RNF38: variants seen among roughly 807,000 people sequenced by gnomAD.
The protein encoded by RNF38 is ring finger protein 38, also known as E3 ubiquitin-protein ligase RNF38.
RNF38 carries 15 observed loss-of-function variants against 67.2 expected under a neutral mutation model. That is an observed-to-expected ratio of 0.22 (90% confidence interval 0.15 to 0.34). RNF38 has a LOEUF of 0.34. RNF38 is among the 10% of genes least tolerant of loss of function. RNF38 has a pLI of 1.00. For missense variants in RNF38, 524 were observed against 639.9 expected (o/e 0.82, Z 1.95); for synonymous variants, 220 against 218.8 (o/e 1.01, Z -0.05).
intron 1 of RNF38, among the ~76,000 whole-genome samples, chr9:36,393,296 A>C (rs1837249348): frequency 6.6e-6 from 1 of 152,312 alleles, no homozygotes; most frequent in East Asian, 1.9e-4. Context: ...ATTTTCAAGC[A>C]TATCCTCTCC....
chr9:36,412,102 A>G (rs917888619), intron 2 of RNF38, among the ~76,000 whole-genome samples: 5 of 152,128 alleles, frequency 3.3e-5, no homozygotes, highest in African/African-American at 1.2e-4. Flanking sequence ...AAACCCTCCA[A>G]TGGCTTCTCG....
chr9:36,381,443 A>G (rs1836205247), intron 2 of RNF38, among the ~76,000 whole-genome samples: 1 of 152,178 alleles, frequency 6.6e-6, no homozygotes, highest in Non-Finnish European at 1.5e-5. Context: ...GACCAGCATT[A>G]ATGTTAAAAT....
intron 2 of RNF38, among the ~76,000 whole-genome samples, chr9:36,415,368 G>A (rs1001261701): frequency 6.6e-6 from 1 of 151,988 alleles, no homozygotes; most frequent in Non-Finnish European, 1.5e-5. Context: ...TCCTGAAGTT[G>A]TGATTGTTGT....
intron 9 of RNF38, among the ~76,000 whole-genome samples, chr9:36,350,755 C>T (rs1204604385): frequency 1.3e-5 from 2 of 152,186 alleles, no homozygotes; most frequent in Non-Finnish European, 2.9e-5. Flanking sequence ...TATCCTTAAA[C>T]ATGTTAAAAC....
At position 36,356,444 on chromosome 9, in the gene RNF38, T is replaced by C; in HGVS notation, c.768A>G (p.Leu256=). 3.1e-6 allele frequency: 5 copies of C among 1,612,672 alleles called. No individual in the cohort carries two copies. Among genetic ancestry groups the C allele is most frequent in the South Asian group, 1.1e-5 (1 of 90,824 alleles). ...GTGGGAATGCAGCATATGGTACTGG[T>C]AAGTGCTGAACTGAACATGCCTGAA... The part of the protein sequence containing the change: ...PMLQACSVQH[L]PVPYAAFPPL... Residue 256 remains leucine (L), a synonymous_variant, in exon 6 of 12, where the codon TTA becomes TTG. Transcript: ENST00000259605.
intron 4 of RNF38, 68 bp downstream of exon 4, chr9:36,369,648 CCAA>C: frequency 8.4e-7 from 1 of 1,188,660 alleles, no homozygotes; most frequent in South Asian, 1.6e-5. Flanking sequence ...CAACAAAAAG[CCAA>C]AAAAAAAAAA....
chr9:36,393,522 T>TGTGG (rs57164047), intron 1 of RNF38, among the ~76,000 whole-genome samples: 33 of 124,498 alleles, frequency 2.7e-4, no homozygotes, highest in African/African-American at 7.3e-4. Flanking sequence ...TGTGTGTGTG[T>TGTGG]GGGGCAGGCA....
At chr9:36,433,220 A>G (rs114570023) in intron 1 of RNF38, among the ~76,000 whole-genome samples, 1,688 of 151,960 alleles carry the variant, frequency 0.011, 30 homozygotes, top group African/African-American at 0.038. Context: ...ACAGCACAAC[A>G]GGGTGACTAT....
intron 2 of RNF38, among the ~76,000 whole-genome samples, chr9:36,377,956 G>A (rs1209219710): frequency 6.6e-6 from 1 of 151,788 alleles, no homozygotes; most frequent in African/African-American, 2.4e-5. Flanking sequence ...TAAAAGTACA[G>A]TTATTTTCAT....
chr9:36,340,108 C>T (rs1285108594), intron 11 of RNF38, among the ~76,000 whole-genome samples: 1 of 152,070 alleles, frequency 6.6e-6, no homozygotes, highest in African/African-American at 2.4e-5. Flanking sequence ...GCCTCCCGAG[C>T]AGCTGAGATT....
At chr9:36,383,776 CA>C in intron 2 of RNF38, among the ~76,000 whole-genome samples, 1 of 149,852 alleles carries the variant, frequency 6.7e-6, no homozygotes, top group Admixed American at 6.6e-5. Flanking sequence ...CATGCAGAAA[CA>C]AAAAAATTTT....
chr9:36,470,645 T>C (rs1839974524), intron 1 of RNF38, among the ~76,000 whole-genome samples: 1 of 152,042 alleles, frequency 6.6e-6, no homozygotes, highest in African/African-American at 2.4e-5. Context: ...ATTAACAAGA[T>C]TGTCTAACCT....
Position 36,423,283 on chromosome 9 carries a change from C to T in RNF38, n.312+1330G>A, listed in dbSNP as rs117567140. ...GACTCTGGAATGCTATAAGCTACCA[C>T]TCTCTGTAAAGAGAGTGAAATCAGT... On this transcript the variant is annotated intron_variant and non_coding_transcript_variant, in intron 2 of 3. Transcript: ENST00000488058. Among the ~76,000 whole-genome samples the T allele has an allele frequency of 7.9e-3, 1,206 of 152,294 alleles. 18 individuals carry two copies. The highest frequency in any genetic ancestry group is 0.064 in the South Asian group (309 of 4,828).
At chr9:36,463,421 G>A (rs1231162087) in intron 1 of RNF38, among the ~76,000 whole-genome samples, 1 of 152,120 alleles carries the variant, frequency 6.6e-6, no homozygotes, top group African/African-American at 2.4e-5. Context: ...CTCATTTCTG[G>A]ATCCATGAAA....
chr9:36,407,276 T>C (rs1838205455), intron 2 of RNF38, among the ~76,000 whole-genome samples: 1 of 152,124 alleles, frequency 6.6e-6, no homozygotes, highest in African/African-American at 2.4e-5. Context: ...GCCTCCCATA[T>C]TATATAGCCA....
rs528603008 is a variant in RNF38 at position 36,390,591 on chromosome 9, G to C, written c.38C>G (p.Ser13Cys). The C allele has an allele frequency of 5.0e-6, 8 of 1,614,136 alleles. No homozygotes were observed. In the South Asian group the frequency reaches 5.5e-5, roughly 11 times the overall value. Reference protein sequence around the residue: ...CKISPGANSASLPGHPNKVIC... With the variant: ...CKISPGANSACLPGHPNKVIC... ...CACCTTGTTAGGATGGCCAGGTAGA[G>C]ATGCTGAATTGGCCCCGGGAGATAT... The change falls in exon 2 of 12, where the codon TCT becomes TGT. Residue 13 changes from serine (S) to cysteine (C), a missense_variant. Ser to Cys is a moderately radical substitution (Grantham distance 112). This residue lies in a region of RNF38 where 461 missense variants were observed against 517.4 expected (regional missense o/e 0.89). Coordinates refer to ENST00000259605, the MANE Select transcript of RNF38 (RefSeq NM_022781.5).
At chr9:36,461,775 G>A (rs1839738683) in intron 1 of RNF38, among the ~76,000 whole-genome samples, 1 of 147,638 alleles carries the variant, frequency 6.8e-6, no homozygotes, top group South Asian at 2.1e-4. Flanking sequence ...CTAGATTCCT[G>A]GTTTAAGCAT....
At chr9:36,351,758 G>A (rs1833705534) in intron 8 of RNF38, among the ~76,000 whole-genome samples, 1 of 152,180 alleles carries the variant, frequency 6.6e-6, no homozygotes, top group South Asian at 2.1e-4. Context: ...ATAGACATGT[G>A]ACTAAGTTCT....
upstream of RNF38, among the ~76,000 whole-genome samples, chr9:36,401,701 AATAGT>A (rs1838040984): frequency 6.6e-6 from 1 of 152,222 alleles, no homozygotes; most frequent in South Asian, 2.1e-4. Context: ...ACAAGGAAAA[AATAGT>A]AAAGTGGTAT....
Sources: gnomAD v4.1 joint callset for allele counts (sites outside exome capture counted in the v4.1 genomes callset) on GRCh38, gnomAD v4.1.1 for gene constraint, gnomAD v4.1.1 regional missense constraint, MANE v1.5 for transcripts, NCBI Gene and HGNC (gene_info 2026-07-23, HGNC 2026-07-21) for gene names.